The following RIMS2 variants were observed in gnomAD, a reference collection of about 807,000 sequenced individuals.
The protein encoded by RIMS2 is regulating synaptic membrane exocytosis protein 2.
Under a neutral mutation model 174.4 loss-of-function variants are expected in RIMS2, and 59 were observed. That is an observed-to-expected ratio of 0.34 (90% CI 0.27 to 0.42). RIMS2 has a LOEUF of 0.42. Ranked by LOEUF, RIMS2 falls within the 10% of genes least tolerant of loss-of-function variation. The pLI, the probability that RIMS2 is intolerant of heterozygous loss-of-function variation, is 1.00. For missense variants in RIMS2, 1,620 were observed against 1,666.3 expected (o/e 0.97, Z 0.48); for synonymous variants, 606 against 572.5 (o/e 1.06, Z -0.84).
chr8:104,114,453 A>G (rs944155011), intron 19 of RIMS2, among the ~76,000 whole-genome samples: 1 of 151,738 alleles, frequency 6.6e-6, no homozygotes, highest in Non-Finnish European at 1.5e-5. Flanking sequence ...GGAAACACAG[A>G]AAAAAGGAAG....
intron 19 of RIMS2, among the ~76,000 whole-genome samples, chr8:104,055,514 A>G (rs2096854124): frequency 6.6e-6 from 1 of 152,166 alleles, no homozygotes; most frequent in Non-Finnish European, 1.5e-5. Context: ...ATCTTCTATA[A>G]ACAATTATTG....
chr8:104,135,323 A>G (rs2098509486), intron 19 of RIMS2, among the ~76,000 whole-genome samples: 1 of 152,108 alleles, frequency 6.6e-6, no homozygotes, highest in Non-Finnish European at 1.5e-5. Context: ...TGGGCCAGGC[A>G]TGGTGGTTCA....
chr8:104,020,213 T>C (rs2096052407), intron 19 of RIMS2, among the ~76,000 whole-genome samples: 1 of 152,020 alleles, frequency 6.6e-6, no homozygotes, highest in South Asian at 2.1e-4. Context: ...TCATCTTTTT[T>C]GATGTGCTTG....
chr8:103,673,116 C>A (rs558567439), intron 1 of RIMS2, among the ~76,000 whole-genome samples: 1 of 152,222 alleles, frequency 6.6e-6, no homozygotes, highest in Non-Finnish European at 1.5e-5. Flanking sequence ...GCAGGACACA[C>A]TGGTGCATGA....
intron 1 of RIMS2, among the ~76,000 whole-genome samples, chr8:103,607,273 C>G (rs569918588): frequency 9.0e-4 from 137 of 152,034 alleles, no homozygotes; most frequent in African/African-American, 3.2e-3. Context: ...CTTAGTTTGG[C>G]TGGATATGAA....
At chr8:103,613,632 A>G (rs2095438071) in intron 1 of RIMS2, among the ~76,000 whole-genome samples, 1 of 152,160 alleles carries the variant, frequency 6.6e-6, no homozygotes, top group Admixed American at 6.5e-5. Context: ...GTATTTCACT[A>G]TAGCCACCGC....
In RIMS2 at chr8:103,817,039, A is replaced by T. The variant is rs113064004; in HGVS notation, c.698+50502A>T. 4.3e-3 allele frequency among the ~76,000 whole-genome samples: 658 copies of T among 152,310 alleles called. 6 individuals are homozygous for T. Among genetic ancestry groups the T allele is most frequent in the African/African-American group, 0.015 (617 of 41,558 alleles). On this transcript the variant is annotated intron_variant, in intron 3 of 23. Coordinates refer to ENST00000504942, the Ensembl canonical transcript of RIMS2. Reference sequence around the variant, plus strand: ...AAATTTACATTTTTTCCCCTCACAGATAGTATGAGCTGTGAAATTGACTTG... The same window carrying T: ...AAATTTACATTTTTTCCCCTCACAGTTAGTATGAGCTGTGAAATTGACTTG...
At chr8:103,575,685 C>CATAT (rs917263576) in intron 1 of RIMS2, among the ~76,000 whole-genome samples, 36 of 145,294 alleles carry the variant, frequency 2.5e-4, no homozygotes, top group East Asian at 4.1e-4. Context: ...CACACACACA[C>CATAT]ATATATATAT....
intron 5 of RIMS2, among the ~76,000 whole-genome samples, chr8:103,911,706 C>T (rs542202743): frequency 2.0e-5 from 3 of 151,866 alleles, no homozygotes; most frequent in Admixed American, 6.6e-5. Flanking sequence ...CTTTTCTTCC[C>T]GTGAATTTTT....
At chr8:104,053,106 T>G (rs553456765) in intron 19 of RIMS2, among the ~76,000 whole-genome samples, 142 of 152,326 alleles carry the variant, frequency 9.3e-4, no homozygotes, top group African/African-American at 3.3e-3. Context: ...CTTTGAGAGA[T>G]ATGTTTTACA....
At chr8:103,514,723 A>T (rs1031468384) in intron 1 of RIMS2, among the ~76,000 whole-genome samples, 5 of 152,108 alleles carry the variant, frequency 3.3e-5, no homozygotes, top group African/African-American at 1.2e-4. Flanking sequence ...GAAACTCTTA[A>T]AGTAGTTGGT....
At chr8:103,973,918 T>G (rs2093170062) in intron 15 of RIMS2, among the ~76,000 whole-genome samples, 2 of 152,170 alleles carry the variant, frequency 1.3e-5, no homozygotes, top group African/African-American at 2.4e-5. Flanking sequence ...TCTGGAGAAT[T>G]GCCTGGTCAA....
intron 12 of RIMS2, among the ~76,000 whole-genome samples, chr8:103,934,182 G>A (rs986688871): frequency 4.6e-5 from 7 of 151,848 alleles, no homozygotes; most frequent in African/African-American, 7.3e-5. Context: ...TCCTAGTAAC[G>A]TGAAAATAAA....
At chr8:103,885,167 A>G (rs2099192409) in intron 3 of RIMS2, 131 bp from the exon 7 acceptor site, 1 of 1,287,662 alleles carries the variant, frequency 7.8e-7, no homozygotes, top group Non-Finnish European at 1.0e-6. Flanking sequence ...TTGTTACGCT[A>G]TGCCTTTAAA....
chr8:103,837,207 G>T (rs1317217532), intron 3 of RIMS2, among the ~76,000 whole-genome samples: 1 of 152,154 alleles, frequency 6.6e-6, no homozygotes, highest in Non-Finnish European at 1.5e-5. Flanking sequence ...GTCTCACAAG[G>T]TTGAAATCAA....
At chr8:103,513,317 G>A (rs1827462109) in intron 1 of RIMS2, among the ~76,000 whole-genome samples, 1 of 152,166 alleles carries the variant, frequency 6.6e-6, no homozygotes, top group African/African-American at 2.4e-5. Context: ...TCATTTATAA[G>A]CTGTGCTATC....
intron 3 of RIMS2, among the ~76,000 whole-genome samples, chr8:103,782,878 A>G (rs2098404942): frequency 6.6e-6 from 1 of 152,168 alleles, no homozygotes; most frequent in Non-Finnish European, 1.5e-5. Context: ...TATATTATAG[A>G]AAATAACTCT....
At chr8:103,673,787 T>C (rs1258550724) in intron 1 of RIMS2, among the ~76,000 whole-genome samples, 1 of 152,260 alleles carries the variant, frequency 6.6e-6, no homozygotes, top group Non-Finnish European at 1.5e-5. Context: ...TAGTAAGTTG[T>C]TGCTTCACAG....
chr8:104,166,312 C>T lies in RIMS2; in HGVS notation c.3335-78604C>T, dbSNP rs971127384. Reference sequence around the variant, plus strand: ...CGATCTCCTGACCTCATGATCCGCCCGCCTCTGCCTCCCAAAGTGCTGGGA... The same window carrying T: ...CGATCTCCTGACCTCATGATCCGCCTGCCTCTGCCTCCCAAAGTGCTGGGA... On this transcript the variant is annotated intron_variant, in intron 19 of 23. Coordinates refer to ENST00000504942, the Ensembl canonical transcript of RIMS2. Among the ~76,000 whole-genome samples, 9 of 151,944 alleles carry T rather than the reference C, an allele frequency of 5.9e-5. No individual in the cohort carries two copies. In the South Asian group the frequency reaches 1.2e-3, roughly 21 times the overall value.
Sources: allele counts gnomAD v4.1 joint callset (sites outside exome capture counted in the v4.1 genomes callset), GRCh38; gene constraint gnomAD v4.1.1; transcripts MANE v1.5; gene names NCBI Gene and HGNC (gene_info 2026-07-23, HGNC 2026-07-21).